The following TRAT1 variants were observed in gnomAD, a reference collection of about 807,000 sequenced individuals.
The protein encoded by TRAT1 is T-cell receptor-associated transmembrane adapter 1.
A neutral mutation model predicts 20.0 loss-of-function variants in TRAT1; 20 were observed. The ratio of observed to expected loss-of-function variants is 1.00; its 90% CI spans 0.70 to 1.45. The LOEUF (loss-of-function observed/expected upper bound fraction) is 1.45. Among genes scored for constraint, TRAT1 ranks in the 40% most tolerant of loss-of-function variants. TRAT1 has a pLI of 0.00. For missense variants in TRAT1, 237 were observed against 224.1 expected, an observed-to-expected ratio of 1.06 and a Z score of -0.37; for synonymous variants, 77 against 74.2, an observed-to-expected ratio of 1.04 and a Z score of -0.20.
intron 2 of TRAT1, among the ~76,000 whole-genome samples, chr3:108,836,253 C>G (rs538279205): frequency 1.3e-5 from 2 of 152,212 alleles, no homozygotes; most frequent in Non-Finnish European, 2.9e-5. Context: ...AGTATTCTTT[C>G]TAGGCACCAG....
intron 1 of TRAT1, among the ~76,000 whole-genome samples, chr3:108,827,017 AT>A (rs1328156103): frequency 3.9e-5 from 6 of 152,158 alleles, no homozygotes; most frequent in Non-Finnish European, 8.8e-5. Flanking sequence ...AGGTTTTATA[AT>A]TAAACCCACC....
intron 3 of TRAT1, among the ~76,000 whole-genome samples, chr3:108,839,647 GAAA>G (rs930849424): frequency 1.4e-5 from 1 of 73,176 alleles, no homozygotes; most frequent in Non-Finnish European, 3.0e-5. Flanking sequence ...TCTGTCTCAA[GAAA>G]AAAAAAAAAA....
rs1318971141 is a variant in TRAT1, at chr3:108,854,817, C to G, written c.*940C>G. The G allele has an allele frequency of 6.6e-6, 1 of 152,026 alleles. No individual in the cohort carries two copies. The highest frequency in any genetic ancestry group is 1.5e-5 in the Non-Finnish European group (1 of 67,944). 9.4% of individuals were successfully genotyped at this position (152,026 alleles called of 1,614,324 possible). A position where few individuals can be genotyped will look rare whatever the true frequency, so the allele number is the denominator to read the frequency against. On this transcript the variant is annotated 3_prime_UTR_variant, in exon 6 of 6. Coordinates refer to ENST00000295756, the MANE Select transcript of TRAT1 (RefSeq NM_016388.4). ...AAAAACAATTTATTGATGCAAAAAG[C>G]AAGGTTGAGATGACAATGTTTCTTT...
In TRAT1 at chr3:108,844,859, A is replaced by AAAG. The variant is rs1285201540; in HGVS notation, c.153-2207_153-2206insGAA. On this transcript the variant is annotated intron_variant, in intron 3 of 5. Coordinates refer to ENST00000295756, the MANE Select transcript of TRAT1 (RefSeq NM_016388.4). ...ACTCTGTCTCAAAAAAAAAAAAAAA[A>AAAG]AAAAAAAAAAGAAATACGTGTATAT... Among the ~76,000 whole-genome samples, 600 of 149,568 alleles carry AAAG rather than the reference A, an allele frequency of 4.0e-3. 16 individuals are homozygous for AAAG. Among genetic ancestry groups the AAAG allele is most frequent in the African/African-American group, 0.014 (555 of 40,470 alleles).
intron 2 of TRAT1, among the ~76,000 whole-genome samples, chr3:108,833,378 A>G (rs1945811993): frequency 6.6e-6 from 1 of 152,176 alleles, no homozygotes; most frequent in African/African-American, 2.4e-5. Context: ...AAATAGCGCC[A>G]CTGCACTCCA....
chr3:108,830,713 G>C lies in TRAT1; in HGVS notation c.51G>C (p.Leu17Phe), dbSNP rs1321089517. 2 of 1,613,926 alleles carry C rather than the reference G, an allele frequency of 1.2e-6. No homozygotes were observed. Among genetic ancestry groups the C allele is most frequent in the Non-Finnish European group, 1.7e-6 (2 of 1,179,854 alleles). Residue 17 changes from leucine to phenylalanine, a missense_variant, in exon 2 of 6, where the codon TTG becomes TTC. Leu to Phe is a conservative substitution (Grantham distance 22). Coordinates refer to ENST00000295756, the MANE Select transcript of TRAT1 (RefSeq NM_016388.4). ...CPFFLWGLLA[L>F]LGLALVISLI... ...TTTTCCTCTGGGGACTTCTAGCATT[G>C]TTGGGCTTGGCTTTGGTTATATCAC...
rs530447699 is a variant in TRAT1, at chr3:108,848,678, C to A, written c.215-488C>A. ...ATGGGACAAAAGTCATAATATAAAC[C>A]CTCTTTTTCAAAATTAAGATGTGGG... is the stretch of plus-strand genomic sequence containing the variant. On this transcript the variant is annotated intron_variant, in intron 4 of 5. Coordinates refer to ENST00000295756, the MANE Select transcript of TRAT1 (RefSeq NM_016388.4). 1.1e-3 allele frequency among the ~76,000 whole-genome samples: 164 copies of A among 152,286 alleles called. 2 individuals carry two copies. In the South Asian group the frequency reaches 0.024, roughly 22 times the overall value.
At chr3:108,827,376 A>ATG (rs1274698725) in intron 1 of TRAT1, among the ~76,000 whole-genome samples, 5 of 108,870 alleles carry the variant, frequency 4.6e-5, no homozygotes, top group African/African-American at 1.4e-4. Flanking sequence ...GGTATAAAGT[A>ATG]TGTGTGTATG....
intron 1 of TRAT1, among the ~76,000 whole-genome samples, chr3:108,828,075 T>C (rs1945758023): frequency 6.6e-6 from 1 of 152,148 alleles, no homozygotes; most frequent in Non-Finnish European, 1.5e-5. Context: ...GATTGGATGA[T>C]TTATAGCTAG....
chr3:108,823,877 G>T (rs1298301927), intron 1 of TRAT1, among the ~76,000 whole-genome samples: 12 of 151,386 alleles, frequency 7.9e-5, no homozygotes, highest in African/African-American at 2.9e-4. Context: ...AGTTTTTTTT[G>T]TTTGTTTTTT....
intron 2 of TRAT1, among the ~76,000 whole-genome samples, chr3:108,832,721 G>T (rs1272752536): frequency 1.3e-5 from 2 of 152,040 alleles, no homozygotes; most frequent in Non-Finnish European, 2.9e-5. Context: ...GATTGCTGAG[G>T]GGCCAGGTAA....
chr3:108,837,019 A>G (rs1270715074), intron 2 of TRAT1, among the ~76,000 whole-genome samples: 1 of 152,214 alleles, frequency 6.6e-6, no homozygotes, highest in Admixed American at 6.5e-5. Flanking sequence ...CTTATTTATC[A>G]GTTTACAATT....
chr3:108,829,586 A>AACACACACACACACACAC (rs144318236), intron 1 of TRAT1, among the ~76,000 whole-genome samples: 15,037 of 142,308 alleles, frequency 0.11, 990 homozygotes, highest in Non-Finnish European at 0.15. Flanking sequence ...TCCATCTCAA[A>AACACACACACACACACAC]ACACACACAC....
chr3:108,828,444 G>T (rs891315437), intron 1 of TRAT1, among the ~76,000 whole-genome samples: 1 of 152,114 alleles, frequency 6.6e-6, no homozygotes. Flanking sequence ...TCACAAAAAT[G>T]AGTATCATAA....
At chr3:108,831,632 T>C (rs971543011) in intron 2 of TRAT1, among the ~76,000 whole-genome samples, 3 of 151,676 alleles carry the variant, frequency 2.0e-5, no homozygotes, top group Non-Finnish European at 4.4e-5. Flanking sequence ...CTCAAACTTC[T>C]GTGCTCAAAC....
chr3:108,852,597 G>C (rs1304887351), intron 5 of TRAT1, among the ~76,000 whole-genome samples: 1 of 152,144 alleles, frequency 6.6e-6, no homozygotes, highest in Non-Finnish European at 1.5e-5. Context: ...TTTTGGCCTA[G>C]TCTTAAAGAG....
At chr3:108,827,262 C>G (rs1945749300) in intron 1 of TRAT1, among the ~76,000 whole-genome samples, 1 of 152,142 alleles carries the variant, frequency 6.6e-6, no homozygotes, top group South Asian at 2.1e-4. Context: ...ATTTTAAGCA[C>G]TTTGTGCATC....
At position 108,826,115 on chromosome 3, in the gene TRAT1, TA is replaced by T. The variant is rs1208694757; in HGVS notation, c.7+3184del. Reference sequence around the variant, plus strand: ...CTCTCATATTTATACTTTCTTCAATTAAATTAAGTAAAGTATTGATTGAGGG... The same window carrying T: ...CTCTCATATTTATACTTTCTTCAATTAATTAAGTAAAGTATTGATTGAGGG... On this transcript the variant is annotated intron_variant, in intron 1 of 5. Transcript: ENST00000295756. 3.3e-5 allele frequency among the ~76,000 whole-genome samples: 5 copies of T among 152,162 alleles called. 1 individual carries two copies. Among genetic ancestry groups the T allele is most frequent in the Admixed American group, 3.3e-4 (5 of 15,262 alleles).
intron 3 of TRAT1, among the ~76,000 whole-genome samples, chr3:108,845,552 A>G (rs576423429): frequency 3.9e-5 from 6 of 152,338 alleles, no homozygotes; most frequent in African/African-American, 1.4e-4. Flanking sequence ...AGATGAGTGA[A>G]GTGTTTGCCC....
Sources: gnomAD v4.1 joint callset for allele counts (sites outside exome capture counted in the v4.1 genomes callset) on GRCh38, gnomAD v4.1.1 for gene constraint, MANE v1.5 for transcripts, NCBI Gene and HGNC (gene_info 2026-07-23, HGNC 2026-07-21) for gene names.